MEN1: variants seen among roughly 807,000 people sequenced by gnomAD.
MEN1 encodes menin 1.
In MEN1, 6 loss-of-function variants were observed where a neutral mutation model predicts 58.0. The ratio of observed to expected loss-of-function variants is 0.10; its 90% CI spans 0.06 to 0.20. The LOEUF is 0.20. Ranked by LOEUF, MEN1 falls within the 10% of genes least tolerant of loss-of-function variation. The probability of loss-of-function intolerance (pLI) is 1.00; values close to 1 mark genes in which losing one functional copy is unlikely to be tolerated. For synonymous variants in MEN1, 346 were observed against 350.7 expected, an observed-to-expected ratio of 0.99 and a Z score of 0.15; for missense variants, 492 against 818.5, an observed-to-expected ratio of 0.60 and a Z score of 4.87.
At position 64,809,788 on chromosome 11, in the gene MEN1, G is replaced by C. The variant is rs794728647; in HGVS notation, c.322C>G (p.Arg108Gly). The change falls in exon 2 of 10, where the codon CGA becomes GGA. Residue 108 changes from arginine (R) to glycine (G), a missense_variant. This residue lies in a region of MEN1 where 335 missense variants were observed against 550.3 expected (regional missense o/e 0.61). Coordinates refer to ENST00000450708, the MANE Select transcript of MEN1 (RefSeq NM_001370259.2). The part of the protein sequence containing the change: ...RGAVDLSLYP[R>G]EGGVSSRELV... ...TCACGGCTGGAGACACCCCCTTCTCGAGGATAGAGGGACAGGTCGACGGCG... is the reference window on the plus strand; with the variant it reads ...TCACGGCTGGAGACACCCCCTTCTCCAGGATAGAGGGACAGGTCGACGGCG... 1.2e-6 allele frequency: 2 copies of C among 1,614,018 alleles called. No homozygotes were observed. Among genetic ancestry groups the C allele is most frequent in the Non-Finnish European group, 1.7e-6 (2 of 1,179,996 alleles).
Position 64,810,077 on chromosome 11 carries a change from G to T in MEN1, c.33C>A (p.Phe11Leu). Residue 11 changes from phenylalanine to leucine, a missense_variant, in exon 2 of 10, where the codon TTC becomes TTA. This residue lies in a region of MEN1 where 335 missense variants were observed against 550.3 expected (regional missense o/e 0.61). Coordinates refer to ENST00000450708, the MANE Select transcript of MEN1 (RefSeq NM_001370259.2). MGLKAAQKTL[F>L]PLRSIDDVVR... ...CCACGTCGTCGATGGAGCGCAGCGGGAACAGCGTCTTCTGGGCGGCCTTCA... is the reference window on the plus strand; with the variant it reads ...CCACGTCGTCGATGGAGCGCAGCGGTAACAGCGTCTTCTGGGCGGCCTTCA... The T allele has an allele frequency of 2.7e-6, 4 of 1,504,356 alleles. No homozygotes were observed. The highest frequency in any genetic ancestry group is 3.6e-6 in the Non-Finnish European group (4 of 1,110,416). 93.2% of individuals were successfully genotyped at this position (1,504,356 alleles called of 1,614,324 possible). A position where few individuals can be genotyped will look rare whatever the true frequency, so the allele number is the denominator to read the frequency against.
chr11:64,806,908 T>G, intron 6 of MEN1, 103 bp downstream of exon 6: 6 of 1,012,808 alleles, frequency 5.9e-6, no homozygotes, highest in Non-Finnish European at 6.1e-6. Flanking sequence ...GGATGGGCGA[T>G]ACCCCCCAAC....
rs1555166664 is a variant in MEN1 at position 64,809,956 on chromosome 11, G to C, written c.154C>G (p.Arg52Gly). The change falls in exon 2 of 10, where the codon CGC (arginine) becomes GGC (glycine). Residue 52 changes from arginine to glycine, a missense_variant. Arg to Gly is a moderately radical substitution (Grantham distance 125). Around this residue, in one of 5 missense-constraint regions of MEN1, gnomAD observed 335 missense variants for 550.3 expected, o/e 0.61. Transcript: ENST00000450708. ...GFVEHFLAVN[R>G]VIPTNVPELT... ...TCGGGAACGTTGGTAGGGATGACGC[G>C]GTTGACAGCCAGAAAATGCTCCACG... 1 of 1,586,090 alleles carries C rather than the reference G, an allele frequency of 6.3e-7. No homozygotes were observed. Among genetic ancestry groups the C allele is most frequent in the Non-Finnish European group, 8.6e-7 (1 of 1,166,330 alleles).
rs776432516 is a variant in MEN1, at chr11:64,810,050, C to T, written c.60G>A (p.Val20=). 3 of 1,609,960 alleles carry T rather than the reference C, an allele frequency of 1.9e-6. No homozygotes were observed. The highest frequency in any genetic ancestry group is 2.5e-6 in the Non-Finnish European group (3 of 1,178,496). The change falls in exon 2 of 10, where the codon GTG becomes GTA. Residue 20 remains valine, a synonymous_variant. Transcript: ENST00000450708. ...LFPLRSIDDV[V]RLFAAELGRE... ...GGCCCAGCTCGGCAGCAAACAGGCG[C>T]ACCACGTCGTCGATGGAGCGCAGCG...
chr11:64,803,836 G>C lies in MEN1; in HGVS notation c.*498C>G, dbSNP rs991013729. On this transcript the variant is annotated 3_prime_UTR_variant, in exon 10 of 10. Transcript: ENST00000450708. ...TTCTGGAGCAGGACTGAAGTTATTT[G>C]GGGCAGGGAGCTTGGATTCGCAAGA... 1 of 246,618 alleles carries C rather than the reference G, an allele frequency of 4.1e-6. No individual in the cohort carries two copies. Among genetic ancestry groups the C allele is most frequent in the African/African-American group, 2.2e-5 (1 of 45,460 alleles). 15.3% of individuals were successfully genotyped at this position (246,618 alleles called of 1,614,324 possible).
Position 64,809,636 on chromosome 11 carries a change from G to A in MEN1, c.445+29C>T, listed in dbSNP as rs1421726469. Reference sequence around the variant, plus strand: ...GAGGGTTTTGAAGAAGTGGGTCATGGATAAGATTCCCACCTACTGGGCTCC... The same window carrying A: ...GAGGGTTTTGAAGAAGTGGGTCATGAATAAGATTCCCACCTACTGGGCTCC... On this transcript the variant is annotated intron_variant, in intron 2 of 9. Transcript: ENST00000450708. 1 of 1,613,148 alleles carries A rather than the reference G, an allele frequency of 6.2e-7. No individual in the cohort carries two copies. The highest frequency in any genetic ancestry group is 8.5e-7 in the Non-Finnish European group (1 of 1,179,156).
intron 7 of MEN1, 68 bp downstream of exon 7, chr11:64,806,164 G>A (rs1279911844): frequency 7.5e-6 from 12 of 1,602,928 alleles, no homozygotes; most frequent in Admixed American, 3.3e-5. Flanking sequence ...AGTCCTGGAC[G>A]AGGGTGGTTG....
intron 7 of MEN1, 99 bp downstream of exon 7, chr11:64,806,133 G>A: frequency 6.6e-7 from 1 of 1,505,928 alleles, no homozygotes. Context: ...GAAAGGGGAT[G>A]GGGCGTGGGA....
Position 64,804,394 on chromosome 11 carries a change from T to G in MEN1, c.1773A>C (p.Lys591Asn). The G allele has an allele frequency of 6.2e-7, 1 of 1,614,176 alleles. No homozygotes were observed. The highest frequency in any genetic ancestry group is 8.5e-7 in the Non-Finnish European group (1 of 1,180,014). Residue 591 changes from lysine to asparagine, a missense_variant, in exon 10 of 10, where the codon AAA becomes AAC. Lys to Asn is a moderately conservative substitution (Grantham distance 94). Coordinates refer to ENST00000450708, the MANE Select transcript of MEN1 (RefSeq NM_001370259.2). The surrounding 1 kb of genome is among the most constrained non-coding windows in gnomAD (Gnocchi z 4.2). ...AQSQVQMKKQ[K>N]VSTPSDYTLS... Reference sequence around the variant, plus strand: ...GAGTGTAGTCACTAGGGGTGGACACTTTCTGCTTCTTCATCTGCACTTGCG... The same window carrying G: ...GAGTGTAGTCACTAGGGGTGGACACGTTCTGCTTCTTCATCTGCACTTGCG...
At chr11:64,805,939 A>AG (rs577897426) in intron 7 of MEN1, 169 bp from the exon 8 acceptor site, 2 of 732,732 alleles carry the variant, frequency 2.7e-6, no homozygotes, top group African/African-American at 1.8e-5. Flanking sequence ...AAGAATGAGG[A>AG]GGGGGGCATG....
At chr11:64,808,248 T>G (rs1439181197) in intron 2 of MEN1, 149 bp from the exon 3 acceptor site, 1 of 720,654 alleles carries the variant, frequency 1.4e-6, no homozygotes, top group East Asian at 2.7e-5. Context: ...CCTCCATCCC[T>G]TCCCTCCCAC....
Position 64,805,760 on chromosome 11 carries a change from A to G in MEN1, c.1060T>C (p.Cys354Arg), listed in dbSNP as rs371503251. Reference protein sequence around the residue: ...TATVIQDYNYCREDEEIYKEF... With the variant: ...TATVIQDYNYRREDEEIYKEF... ...TTGTAGATCTCCTCGTCTTCCCGGC[A>G]GTAGTTGTAGCTGTGAGAGCAGTGG... is the stretch of plus-strand genomic sequence containing the variant. Residue 354 changes from cysteine to arginine, a missense_variant, in exon 8 of 10, where the codon TGC becomes CGC. By Grantham distance (180) the Cys-to-Arg change is radical (BLOSUM62 -3). This residue lies in a region of MEN1 where 335 missense variants were observed against 550.3 expected (regional missense o/e 0.61). Coordinates refer to ENST00000450708, the MANE Select transcript of MEN1 (RefSeq NM_001370259.2). 2 of 1,611,260 alleles carry G rather than the reference A, an allele frequency of 1.2e-6. No homozygotes were observed. The highest frequency in any genetic ancestry group is 1.7e-6 in the Non-Finnish European group (2 of 1,178,994).
chr11:64,809,533 T>G (rs369468399), intron 2 of MEN1, 132 bp downstream of exon 2: 1 of 1,161,618 alleles, frequency 8.6e-7, no homozygotes, highest in South Asian at 1.5e-5. Flanking sequence ...GGCTTCAGTT[T>G]CCCAACTGCA....
In MEN1 at chr11:64,810,115, C is replaced by G. The variant is rs768088337; in HGVS notation, c.-6G>C. ...TGGGCGGCCTTCAGCCCCATGGCGG[C>G]GGGCGGTGGGCGGCGGCCTGCAAGG... On this transcript the variant is annotated 5_prime_UTR_variant, in exon 2 of 10. Transcript: ENST00000450708. 1.5e-4 allele frequency: 129 copies of G among 882,428 alleles called. No individual in the cohort carries two copies. Among genetic ancestry groups the G allele is most frequent in the South Asian group, 5.4e-4 (24 of 44,182 alleles). 54.7% of individuals were successfully genotyped at this position (882,428 alleles called of 1,614,324 possible). A position where few individuals can be genotyped will look rare whatever the true frequency, so the allele number is the denominator to read the frequency against.
At position 64,806,217 on chromosome 11, in the gene MEN1, T is replaced by TA; in HGVS notation, c.1049+14dup. 1 of 1,613,924 alleles carries TA rather than the reference T, an allele frequency of 6.2e-7. No homozygotes were observed. The highest frequency in any genetic ancestry group is 8.5e-7 in the Non-Finnish European group (1 of 1,179,932). On this transcript the variant is annotated intron_variant, in intron 7 of 9. Coordinates refer to ENST00000450708, the MANE Select transcript of MEN1 (RefSeq NM_001370259.2). ...AGAAAGGACAGGCTGCAGGCCCTAG[T>TA]AGGGGGATCCTCACTCCTGGATGAC...
chr11:64,807,454 G>T lies in MEN1; in HGVS notation c.783+98C>A, dbSNP rs1941810036. The T allele has an allele frequency of 7.5e-7, 1 of 1,335,886 alleles. No homozygotes were observed. The highest frequency in any genetic ancestry group is 1.9e-5 in the Admixed American group (1 of 53,210). The allele number at this position is 1,335,886 out of a possible 1,614,324, so 82.8% of individuals were successfully genotyped here. On this transcript the variant is annotated intron_variant, in intron 4 of 9. Coordinates refer to ENST00000450708, the MANE Select transcript of MEN1 (RefSeq NM_001370259.2). This position sits in a 1 kb window ranked among gnomAD's most constrained non-coding sequence, Gnocchi z 4.9. ...TTACTAACCCATTTTTCCAGGAGGG[G>T]AAGCTGAAGCTCAGGAAGGGAAAGT... is the stretch of plus-strand genomic sequence containing the variant.
rs2136133674 is a variant in MEN1 at position 64,807,201 on chromosome 11, A to G, written c.802T>C (p.Tyr268His). The stretch of plus-strand genomic sequence containing the variant: ...GACCTTTCCAGATGTCCCAGGTCAT[A>G]GAGCAGCCAGAGCAGCTTCTAGGAG... ...QLQQKLLWLL[Y>H]DLGHLERYPM... is the part of the protein sequence containing the mutation. The change falls in exon 5 of 10, where the codon TAT (tyrosine) becomes CAT (histidine). Residue 268 changes from tyrosine (Y) to histidine (H), a missense_variant. This residue lies in a region of MEN1 where 335 missense variants were observed against 550.3 expected (regional missense o/e 0.61). Coordinates refer to ENST00000450708, the MANE Select transcript of MEN1 (RefSeq NM_001370259.2). This position sits in a 1 kb window ranked among gnomAD's most constrained non-coding sequence, Gnocchi z 4.9. 6.2e-7 allele frequency: 1 copy of G among 1,613,746 alleles called. No homozygotes were observed. Among genetic ancestry groups the G allele is most frequent in the South Asian group, 1.1e-5 (1 of 91,020 alleles).
intron 2 of MEN1, among the ~76,000 whole-genome samples, chr11:64,808,893 T>C (rs1941924344): frequency 1.3e-5 from 2 of 150,852 alleles, no homozygotes; most frequent in Non-Finnish European, 2.9e-5. Flanking sequence ...AGGCAGAGCT[T>C]GCAGTGAGCC....
rs1941986326 is a variant in MEN1, at chr11:64,809,772, G to A, written c.338C>T (p.Ser113Phe). The A allele has an allele frequency of 6.2e-7, 1 of 1,614,102 alleles. No individual in the cohort carries two copies. Among genetic ancestry groups the A allele is most frequent in the Non-Finnish European group, 8.5e-7 (1 of 1,180,014 alleles). Reference protein sequence around the residue: ...LSLYPREGGVSSRELVKKVSD... With the variant: ...LSLYPREGGVFSRELVKKVSD... The stretch of plus-strand genomic sequence containing the variant: ...GACCTTCTTCACCAGCTCACGGCTG[G>A]AGACACCCCCTTCTCGAGGATAGAG... Residue 113 changes from serine to phenylalanine, a missense_variant, in exon 2 of 10, where the codon TCC (serine) becomes TTC (phenylalanine). By Grantham distance (155) the Ser-to-Phe change is radical. This residue lies in a region of MEN1 where 335 missense variants were observed against 550.3 expected (regional missense o/e 0.61). Coordinates refer to ENST00000450708, the MANE Select transcript of MEN1 (RefSeq NM_001370259.2).
Sources: allele counts gnomAD v4.1 joint callset (sites outside exome capture counted in the v4.1 genomes callset), GRCh38; gene constraint gnomAD v4.1.1; regional missense constraint gnomAD v4.1.1; non-coding constraint Gnocchi (gnomAD v3.1); transcripts MANE v1.5; gene names NCBI Gene and HGNC (gene_info 2026-07-23, HGNC 2026-07-21).